SORCS3: variants seen among roughly 807,000 people sequenced by gnomAD.
The protein encoded by SORCS3 is sortilin related VPS10 domain containing receptor 3, also known as VPS10 domain-containing receptor SorCS3.
Under a neutral mutation model 146.3 loss-of-function variants are expected in SORCS3, and 57 were observed. That is an observed-to-expected ratio of 0.39 (90% CI 0.31 to 0.49). The LOEUF (loss-of-function observed/expected upper bound fraction) is 0.49. Ranked by LOEUF, SORCS3 falls within the 20% of genes least tolerant of loss-of-function variation. The pLI, the probability that SORCS3 is intolerant of heterozygous loss-of-function variation, is 0.92. For synonymous variants in SORCS3, 653 were observed against 618.5 expected (o/e 1.06, Z -0.83); for missense variants, 1,341 against 1,575.5 (o/e 0.85, Z 2.52).
At chr10:105,133,984 C>T (rs17202017) in intron 7 of SORCS3, among the ~76,000 whole-genome samples, 6,825 of 152,042 alleles carry the variant, frequency 0.045, 187 homozygotes, top group Middle Eastern at 0.11. Context: ...AAATACAGCC[C>T]GAGTGTCAAA....
chr10:105,036,185 T>G (rs1407468884), intron 4 of SORCS3, among the ~76,000 whole-genome samples: 2 of 152,170 alleles, frequency 1.3e-5, no homozygotes, highest in African/African-American at 2.4e-5. Flanking sequence ...TTAGCCACAA[T>G]TTTTGGGGAA....
chr10:104,832,337 G>T (rs191161958), intron 1 of SORCS3, among the ~76,000 whole-genome samples: 1 of 152,222 alleles, frequency 6.6e-6, no homozygotes, highest in African/African-American at 2.4e-5. Context: ...CATCCCAGCT[G>T]GTAAGTAACC....
chr10:104,776,080 T>A (rs2017304804), intron 1 of SORCS3, among the ~76,000 whole-genome samples: 1 of 152,124 alleles, frequency 6.6e-6, no homozygotes, highest in African/African-American at 2.4e-5. Flanking sequence ...TGTAGGCAAG[T>A]ATACTCAGCA....
rs555496808 is a variant in SORCS3 at position 105,218,775 on chromosome 10, G to A, written c.2734+1653G>A. Among the ~76,000 whole-genome samples the A allele has an allele frequency of 2.6e-5, 4 of 152,334 alleles. No homozygotes were observed. In the East Asian group the frequency reaches 7.7e-4, roughly 29 times the overall value. ...CTCACGCCTGTAATCCCAGCACTTT[G>A]GGAGGCCAAGGCAGGCAGATCACAG... On this transcript the variant is annotated intron_variant, in intron 19 of 26. Coordinates refer to ENST00000369701, the MANE Select transcript of SORCS3 (RefSeq NM_014978.3).
At chr10:104,679,190 T>C (rs1210782691) in intron 1 of SORCS3, among the ~76,000 whole-genome samples, 1 of 152,148 alleles carries the variant, frequency 6.6e-6, no homozygotes, top group African/African-American at 2.4e-5. Flanking sequence ...GTGGTTAATG[T>C]GTGTGCAAGA....
intron 1 of SORCS3, among the ~76,000 whole-genome samples, chr10:104,659,575 C>T (rs973393604): frequency 2.0e-5 from 3 of 152,178 alleles, no homozygotes; most frequent in Non-Finnish European, 2.9e-5. Flanking sequence ...GTGCTTGGAT[C>T]GGAAGGACCT....
At position 105,201,181 on chromosome 10, in the gene SORCS3, G is replaced by A; in HGVS notation, c.2189G>A (p.Cys730Tyr). 1.2e-6 allele frequency: 2 copies of A among 1,612,612 alleles called. No individual in the cohort carries two copies. The highest frequency in any genetic ancestry group is 1.7e-6 in the Non-Finnish European group (2 of 1,179,282). Residue 730 changes from cysteine (C) to tyrosine (Y), a missense_variant, in exon 16 of 27, where the codon TGT becomes TAT. Transcript: ENST00000369701. The stretch of plus-strand genomic sequence containing the variant: ...AAGAAACGTAAGCCAGGAGCTCAGT[G>A]TGCCCTGGGCCGAGACCACTCAGGA... Reference protein sequence around the residue: ...IFKKRKPGAQCALGRDHSGSV... With the variant: ...IFKKRKPGAQYALGRDHSGSV...
chr10:104,666,679 C>G (rs1211709851), intron 1 of SORCS3, among the ~76,000 whole-genome samples: 2 of 152,156 alleles, frequency 1.3e-5, no homozygotes, highest in African/African-American at 4.8e-5. Flanking sequence ...GATCATAGCT[C>G]ACTGTAACCT....
intron 2 of SORCS3, among the ~76,000 whole-genome samples, chr10:104,853,075 G>A (rs984021069): frequency 2.6e-5 from 4 of 152,150 alleles, no homozygotes; most frequent in Admixed American, 6.5e-5. Context: ...CAAGGCGGGC[G>A]GATCACAAAG....
At position 104,922,588 on chromosome 10, in the gene SORCS3, A is replaced by G. The variant is rs182833299; in HGVS notation, c.795+6656A>G. Among the ~76,000 whole-genome samples, 287 of 152,356 alleles carry G rather than the reference A, an allele frequency of 1.9e-3. 1 individual carries two copies. The highest frequency in any genetic ancestry group is 5.7e-4 in the Non-Finnish European group (39 of 68,028). The stretch of plus-strand genomic sequence containing the variant: ...TGTCATGTGAAAATGAGGGCCCAGC[A>G]TAGCCAGTTATTGTTAACATCCTTG... On this transcript the variant is annotated intron_variant, in intron 3 of 26. Coordinates refer to ENST00000369701, the MANE Select transcript of SORCS3 (RefSeq NM_014978.3).
intron 1 of SORCS3, among the ~76,000 whole-genome samples, chr10:104,767,825 C>T (rs2133481584): frequency 6.7e-6 from 1 of 148,626 alleles, no homozygotes; most frequent in South Asian, 2.3e-4. Flanking sequence ...CTTCTTCCCC[C>T]CTCTCCTCCC....
At chr10:105,169,468 G>A (rs563610568) in intron 13 of SORCS3, among the ~76,000 whole-genome samples, 16 of 152,154 alleles carry the variant, frequency 1.1e-4, no homozygotes, top group African/African-American at 3.6e-4. Context: ...CCTGCAGCAG[G>A]TGATGTGAGG....
intron 3 of SORCS3, among the ~76,000 whole-genome samples, chr10:104,976,802 T>C (rs1359206178): frequency 2.0e-5 from 3 of 151,962 alleles, no homozygotes; most frequent in Non-Finnish European, 4.4e-5. Flanking sequence ...AGTGAACTAT[T>C]GCAAGAACAA....
At chr10:105,225,131 G>A (rs923835584) in intron 20 of SORCS3, among the ~76,000 whole-genome samples, 1 of 151,930 alleles carries the variant, frequency 6.6e-6, no homozygotes, top group African/African-American at 2.4e-5. Flanking sequence ...CATGCCATTG[G>A]TGTTGTATCT....
intron 1 of SORCS3, among the ~76,000 whole-genome samples, chr10:104,829,677 C>A (rs138223894): frequency 2.5e-4 from 38 of 152,020 alleles, no homozygotes; most frequent in Admixed American, 5.9e-4. Context: ...AGTTCAAAGG[C>A]CTTTGAGGCC....
intron 1 of SORCS3, among the ~76,000 whole-genome samples, chr10:104,649,682 A>T (rs1467900783): frequency 1.3e-5 from 2 of 152,220 alleles, no homozygotes; most frequent in Admixed American, 1.3e-4. Flanking sequence ...AGACATTGAA[A>T]AGGATCTAGA....
At chr10:104,896,651 T>C (rs2133587019) in intron 2 of SORCS3, among the ~76,000 whole-genome samples, 2 of 152,356 alleles carry the variant, frequency 1.3e-5, no homozygotes, top group Middle Eastern at 6.8e-3. Context: ...ACTTCTTGTT[T>C]ATGTACTGCT....
chr10:104,923,287 A>T (rs1476374964), intron 3 of SORCS3, among the ~76,000 whole-genome samples: 2 of 152,152 alleles, frequency 1.3e-5, no homozygotes, highest in Admixed American at 1.3e-4. Context: ...GTCCTTAGGA[A>T]GTGTAATCCT....
At chr10:104,657,942 TAGG>T (rs1168512623) in intron 1 of SORCS3, among the ~76,000 whole-genome samples, 1 of 152,230 alleles carries the variant, frequency 6.6e-6, no homozygotes, top group African/African-American at 2.4e-5. Context: ...GGGAGATTGG[TAGG>T]AGTTGTGCTA....
Sources: gnomAD v4.1 joint callset for allele counts (sites outside exome capture counted in the v4.1 genomes callset) on GRCh38, gnomAD v4.1.1 for gene constraint, MANE v1.5 for transcripts, NCBI Gene and HGNC (gene_info 2026-07-23, HGNC 2026-07-21) for gene names.